Variants in RASEF observed in about 807,000 individuals in gnomAD.
RASEF encodes ras and EF-hand domain-containing protein.
RASEF carries 68 observed loss-of-function variants against 90.1 expected under a neutral mutation model. That is an observed-to-expected ratio of 0.75 (90% CI 0.62 to 0.92). RASEF has a LOEUF of 0.92. Among genes scored for constraint, RASEF ranks in the 40% least tolerant of loss-of-function variants. The pLI, the probability that RASEF is intolerant of heterozygous loss-of-function variation, is 0.00. For synonymous variants in RASEF, 331 were observed against 345.2 expected, an observed-to-expected ratio of 0.96 and a Z score of 0.46; for missense variants, 949 against 937.2, an observed-to-expected ratio of 1.01 and a Z score of -0.16.
At chr9:83,156,309 T>C in the RASEF span, among the ~76,000 whole-genome samples, 4 of 152,218 alleles carry the variant, frequency 2.6e-5, no homozygotes, top group African/African-American at 9.6e-5. Flanking sequence ...TCCTAGCAGA[T>C]AACAAGCACT....
chr9:82,996,966 A>G (rs1407866029), intron 14 of RASEF, 46 bp downstream of exon 14: 1 of 1,158,870 alleles, frequency 8.6e-7, no homozygotes, highest in Admixed American at 1.7e-5. Context: ...AAGATGGCCT[A>G]AAACTTCCTC....
chr9:83,216,066 T>C, the RASEF span, among the ~76,000 whole-genome samples: 45 of 152,174 alleles, frequency 3.0e-4, no homozygotes, highest in African/African-American at 1.1e-3. Flanking sequence ...TGATTTGGGG[T>C]ATCTGGTGGA....
chr9:83,082,176 T>C, the RASEF span, among the ~76,000 whole-genome samples: 3,143 of 152,312 alleles, frequency 0.021, 87 homozygotes, highest in African/African-American at 0.071. Context: ...ATCCTCGTTC[T>C]GCTGGTTGCC....
intron 6 of RASEF, 104 bp from the exon 7 acceptor site, chr9:83,007,609 T>A: frequency 1.2e-6 from 1 of 827,350 alleles, no homozygotes; most frequent in Non-Finnish European, 2.1e-6. Context: ...AAGACGAGTG[T>A]CCTTGGCCAC....
intron 2 of RASEF, among the ~76,000 whole-genome samples, chr9:83,023,538 G>A (rs1829481405): frequency 6.6e-6 from 1 of 152,152 alleles, no homozygotes; most frequent in Non-Finnish European, 1.5e-5. Context: ...AAACTCCAAG[G>A]AAGTATTATG....
intron 5 of RASEF, among the ~76,000 whole-genome samples, chr9:83,010,815 C>T (rs756122794): frequency 2.0e-5 from 3 of 152,114 alleles, no homozygotes; most frequent in Admixed American, 1.3e-4. Flanking sequence ...GACACTCTCT[C>T]GGGAGAAAGG....
At chr9:83,135,990 C>T in the RASEF span, among the ~76,000 whole-genome samples, 2 of 151,656 alleles carry the variant, frequency 1.3e-5, no homozygotes, top group Non-Finnish European at 2.9e-5. Flanking sequence ...CTTTACTAGG[C>T]TTATGAGAAT....
intron 16 of RASEF, among the ~76,000 whole-genome samples, chr9:82,986,065 G>A (rs546093166): frequency 2.7e-4 from 41 of 152,314 alleles, no homozygotes; most frequent in Non-Finnish European, 5.3e-4. Flanking sequence ...TCCAGAAGCT[G>A]TGTGGATGGA....
At chr9:83,212,265 TG>T in the RASEF span, among the ~76,000 whole-genome samples, 6 of 152,328 alleles carry the variant, frequency 3.9e-5, no homozygotes, top group African/African-American at 1.4e-4. Flanking sequence ...CCAAGTCTAC[TG>T]GTTTCAGAGT....
chr9:83,208,577 C>T, the RASEF span, among the ~76,000 whole-genome samples: 4 of 152,138 alleles, frequency 2.6e-5, no homozygotes, highest in South Asian at 4.1e-4. Flanking sequence ...ATGTCTATTT[C>T]CTGTTCTGTC....
chr9:83,203,127 T>C, the RASEF span, among the ~76,000 whole-genome samples: 2 of 152,138 alleles, frequency 1.3e-5, no homozygotes, highest in African/African-American at 4.8e-5. Context: ...TCGACAGCAA[T>C]CCATTAAAAA....
At chr9:83,092,807 T>C in the RASEF span, among the ~76,000 whole-genome samples, 13 of 152,134 alleles carry the variant, frequency 8.5e-5, 1 homozygote, top group African/African-American at 2.9e-4. Flanking sequence ...TTACAATCCC[T>C]GAGCTAGACA....
intron 13 of RASEF, among the ~76,000 whole-genome samples, chr9:82,998,011 G>A (rs935398353): frequency 6.6e-6 from 1 of 152,158 alleles, no homozygotes; most frequent in Non-Finnish European, 1.5e-5. Flanking sequence ...GGAGCTGACT[G>A]GTTCTCTTCT....
Position 83,009,734 on chromosome 9 carries a change from T to C in RASEF, c.866A>G (p.Asp289Gly). 1 of 1,612,710 alleles carries C rather than the reference T, an allele frequency of 6.2e-7. No individual in the cohort carries two copies. The change falls in exon 6 of 17, where the codon GAC (aspartate) becomes GGC (glycine). Residue 289 changes from aspartate to glycine, a missense_variant. By Grantham distance (94) the Asp-to-Gly change is moderately conservative (BLOSUM62 -1). Around this residue, in one of 3 missense-constraint regions of RASEF, gnomAD observed 656 missense variants for 592.2 expected, o/e 1.11. Transcript: ENST00000376447. Reference protein sequence around the residue: ...LSMENQKVKKDLLEAQTNIAF... With the variant: ...LSMENQKVKKGLLEAQTNIAF... ...TATGTTTGTCTGTGCTTCTAAAAGG[T>C]CTTTCTTAACTTTCTGGTTTTCCTG...
chr9:83,216,723 G>A, the RASEF span, among the ~76,000 whole-genome samples: 1 of 152,202 alleles, frequency 6.6e-6, no homozygotes, highest in South Asian at 2.1e-4. Flanking sequence ...ATGAGAAGAG[G>A]GCCTGTAAAA....
intron 2 of RASEF, among the ~76,000 whole-genome samples, chr9:83,022,845 G>A (rs1332170140): frequency 1.3e-5 from 2 of 152,022 alleles, no homozygotes; most frequent in African/African-American, 4.8e-5. Flanking sequence ...GTAACACAAT[G>A]GTATTTATGT....
At chr9:83,031,293 A>G (rs905363848) in intron 1 of RASEF, among the ~76,000 whole-genome samples, 5 of 152,224 alleles carry the variant, frequency 3.3e-5, no homozygotes, top group African/African-American at 1.2e-4. Context: ...AACATTTATG[A>G]GCGGGTAAGT....
the RASEF span, among the ~76,000 whole-genome samples, chr9:83,175,988 A>G: frequency 6.6e-6 from 1 of 152,152 alleles, no homozygotes; most frequent in Admixed American, 6.5e-5. Flanking sequence ...TGCTTTTGTT[A>G]TGCTAGGCAG....
the RASEF span, among the ~76,000 whole-genome samples, chr9:83,181,200 T>A: frequency 1.3e-3 from 194 of 148,942 alleles, no homozygotes; most frequent in South Asian, 8.6e-3. Flanking sequence ...AAAAAAAAAA[T>A]TTGCTGGGAA....
Sources: gnomAD v4.1 joint callset for allele counts (sites outside exome capture counted in the v4.1 genomes callset) on GRCh38, gnomAD v4.1.1 for gene constraint, gnomAD v4.1.1 regional missense constraint, MANE v1.5 for transcripts, NCBI Gene and HGNC (gene_info 2026-07-23, HGNC 2026-07-21) for gene names.